WDR20: variants seen among roughly 807,000 people sequenced by gnomAD.
WDR20 encodes WD repeat domain 20, also known as WD repeat-containing protein 20.
In WDR20, 3 loss-of-function variants were observed where a neutral mutation model predicts 38.7. That is an observed-to-expected ratio of 0.08 (90% CI 0.04 to 0.20). The LOEUF (loss-of-function observed/expected upper bound fraction) is 0.20. Among genes scored for constraint, WDR20 ranks in the 10% least tolerant of loss-of-function variants. The probability of loss-of-function intolerance (pLI) is 1.00; values close to 1 mark genes in which losing one functional copy is unlikely to be tolerated. For synonymous variants in WDR20, 298 were observed against 285.6 expected (o/e 1.04, Z -0.44); for missense variants, 559 against 727.7 (o/e 0.77, Z 2.67).
chr14:102,143,623 C>T (rs1351531653), intron 1 of WDR20, among the ~76,000 whole-genome samples: 2 of 151,768 alleles, frequency 1.3e-5, no homozygotes, highest in African/African-American at 4.8e-5. Flanking sequence ...CGGCTCACTG[C>T]AACCTCTGCC....
chr14:102,210,675 G>A (rs577513406), downstream of WDR20: 15 of 452,326 alleles, frequency 3.3e-5, no homozygotes, highest in East Asian at 2.2e-3. Flanking sequence ...CTTTTCTTCA[G>A]ATGCACTTTG....
At chr14:102,201,883 G>A (rs949807206) in intron 2 of WDR20, among the ~76,000 whole-genome samples, 4 of 152,040 alleles carry the variant, frequency 2.6e-5, no homozygotes, top group East Asian at 3.9e-4. Context: ...CCTTCCCTCC[G>A]CCTCCTCGCT....
At chr14:102,155,967 G>C (rs2057278701) in intron 1 of WDR20, among the ~76,000 whole-genome samples, 1 of 145,616 alleles carries the variant, frequency 6.9e-6, no homozygotes, top group East Asian at 2.0e-4. Flanking sequence ...TGGAGACAAA[G>C]TCTCACTATA....
intron 2 of WDR20, among the ~76,000 whole-genome samples, chr14:102,203,413 A>C (rs984493400): frequency 6.6e-6 from 1 of 152,140 alleles, no homozygotes; most frequent in Non-Finnish European, 1.5e-5. Context: ...GTGTGTGTTT[A>C]CACTGACAGC....
At chr14:102,178,250 G>C (rs956210256) in intron 1 of WDR20, among the ~76,000 whole-genome samples, 2 of 152,042 alleles carry the variant, frequency 1.3e-5, no homozygotes, top group East Asian at 3.9e-4. Flanking sequence ...AAATCAGCCA[G>C]GTGTGGTGGC....
chr14:102,195,189 C>A, intron 2 of WDR20, 69 bp downstream of exon 2: 1 of 1,549,196 alleles, frequency 6.5e-7, no homozygotes, highest in South Asian at 1.2e-5. Context: ...CGAGGGTAGT[C>A]GGCCTTATTT....
In WDR20 at chr14:102,159,695, G is replaced by A. The variant is rs926076861; in HGVS notation, c.249+19523G>A. 9.9e-5 allele frequency among the ~76,000 whole-genome samples: 15 copies of A among 151,718 alleles called. 1 individual carries two copies. Among genetic ancestry groups the A allele is most frequent in the African/African-American group, 3.4e-4 (14 of 41,214 alleles). Reference sequence around the variant, plus strand: ...AATTTTTTGAAAAGATCAACGAGGAGTGGTGACCTGTGCCTGTAGTCCCAG... The same window carrying A: ...AATTTTTTGAAAAGATCAACGAGGAATGGTGACCTGTGCCTGTAGTCCCAG... On this transcript the variant is annotated intron_variant, in intron 1 of 2. Coordinates refer to ENST00000342702, the MANE Select transcript of WDR20 (RefSeq NM_144574.4).
At position 102,222,198 on chromosome 14, in the gene WDR20, A is replaced by C. The variant is rs1304499304; in HGVS notation, c.1693-632A>C. On this transcript the variant is annotated intron_variant, in intron 3 of 3. Transcript: ENST00000335263. This position sits in a 1 kb window ranked among gnomAD's most constrained non-coding sequence, Gnocchi z 4.4. The stretch of plus-strand genomic sequence containing the variant: ...GGGTTGGCCCCCACATCCCTTCTCC[A>C]CACCCAGCTGCAGCCTCACGGCAAG... Among the ~76,000 whole-genome samples, 1 of 147,896 alleles carries C rather than the reference A, an allele frequency of 6.8e-6. No homozygotes were observed. Among genetic ancestry groups the C allele is most frequent in the Non-Finnish European group, 1.5e-5 (1 of 67,354 alleles).
At chr14:102,198,593 G>T (rs2059800740) in intron 2 of WDR20, among the ~76,000 whole-genome samples, 1 of 152,234 alleles carries the variant, frequency 6.6e-6, no homozygotes, top group Non-Finnish European at 1.5e-5. Flanking sequence ...CTGAAAGAAG[G>T]ACGGTTTACC....
At chr14:102,139,838 G>C, upstream of WDR20, 2 of 1,553,004 alleles carry the variant, frequency 1.3e-6, no homozygotes, top group Non-Finnish European at 1.8e-6. Flanking sequence ...GAGGCAGGGG[G>C]TGGGGGAAGA....
At chr14:102,167,929 T>C (rs748343492) in intron 1 of WDR20, among the ~76,000 whole-genome samples, 33 of 152,234 alleles carry the variant, frequency 2.2e-4, no homozygotes, top group Non-Finnish European at 4.4e-5. Flanking sequence ...CATTTACTTA[T>C]TGACAGTGGG....
rs1343937386 is a variant in WDR20 at position 102,220,588 on chromosome 14, C to T, written c.1693-2242C>T. ...ACAAAAAGTTAGCTGGGCGTGGTGG[C>T]AGGCGCCTGTAGTCCAAGGTACTTG... On this transcript the variant is annotated intron_variant, in intron 3 of 3. Coordinates refer to the WDR20 transcript ENST00000335263. The surrounding 1 kb of genome is among the most constrained non-coding windows in gnomAD (Gnocchi z 4.2). Among the ~76,000 whole-genome samples the T allele has an allele frequency of 1.3e-5, 2 of 151,968 alleles. No individual in the cohort carries two copies. The highest frequency in any genetic ancestry group is 2.1e-4 in the South Asian group (1 of 4,816).
intron 1 of WDR20, among the ~76,000 whole-genome samples, chr14:102,181,811 G>T (rs1009987041): frequency 6.6e-6 from 1 of 151,974 alleles, no homozygotes; most frequent in African/African-American, 2.4e-5. Flanking sequence ...GTTGACAAGC[G>T]TTAAGTTTTG....
chr14:102,178,510 C>T (rs530743382), intron 1 of WDR20, among the ~76,000 whole-genome samples: 86 of 152,156 alleles, frequency 5.7e-4, no homozygotes, highest in African/African-American at 1.9e-3. Flanking sequence ...CAGTGGTTCT[C>T]TTAGGCGTGG....
At chr14:102,205,301 GAC>G (rs1156402036) in intron 2 of WDR20, among the ~76,000 whole-genome samples, 1 of 151,854 alleles carries the variant, frequency 6.6e-6, no homozygotes, top group Non-Finnish European at 1.5e-5. Flanking sequence ...GCAGAGGTGA[GAC>G]AGTGCATAGT....
rs563430231 is a variant in WDR20 at position 102,161,243 on chromosome 14, C to T, written c.249+21071C>T. Among the ~76,000 whole-genome samples the T allele has an allele frequency of 7.6e-5, 11 of 144,848 alleles. No homozygotes were observed. The South Asian group carries it at 2.2e-3, about 30-fold the overall frequency. On this transcript the variant is annotated intron_variant, in intron 1 of 2. Transcript: ENST00000342702. ...TTGGCTCACTGCAACCTCCGCCTCC[C>T]GGGTTCAAGCAGTCCTCCTGCCTCA...
At chr14:102,178,587 T>A (rs1202474797) in intron 1 of WDR20, among the ~76,000 whole-genome samples, 1 of 151,918 alleles carries the variant, frequency 6.6e-6, no homozygotes, top group Non-Finnish European at 1.5e-5. Flanking sequence ...CCCCTGCACT[T>A]GAACACTGCA....
intron 1 of WDR20, among the ~76,000 whole-genome samples, chr14:102,150,632 C>T (rs146041368): frequency 6.6e-6 from 1 of 152,276 alleles, no homozygotes; most frequent in African/African-American, 2.4e-5. Flanking sequence ...AAAACTTGTA[C>T]AGGTGCTCAT....
chr14:102,196,338 G>A (rs866660080), intron 2 of WDR20, among the ~76,000 whole-genome samples: 3 of 152,046 alleles, frequency 2.0e-5, no homozygotes, highest in Non-Finnish European at 4.4e-5. Flanking sequence ...AAAAAGTTAA[G>A]CAGAAAATAT....
Sources: allele counts gnomAD v4.1 joint callset (sites outside exome capture counted in the v4.1 genomes callset), GRCh38; gene constraint gnomAD v4.1.1; non-coding constraint Gnocchi (gnomAD v3.1); transcripts MANE v1.5; gene names NCBI Gene and HGNC (gene_info 2026-07-23, HGNC 2026-07-21).